Variants in SFSWAP observed in about 807,000 individuals in gnomAD.
SFSWAP encodes splicing factor SWAP.
A neutral mutation model predicts 100.7 loss-of-function variants in SFSWAP; 17 were observed. That is an observed-to-expected ratio of 0.17 (90% CI 0.12 to 0.25). SFSWAP has a LOEUF of 0.25. SFSWAP is among the 10% of genes least tolerant of loss of function. The pLI, the probability that SFSWAP is intolerant of heterozygous loss-of-function variation, is 1.00. For synonymous variants in SFSWAP, 504 were observed against 510.1 expected, an observed-to-expected ratio of 0.99 and a Z score of 0.16; for missense variants, 1,005 against 1,262.6, an observed-to-expected ratio of 0.80 and a Z score of 3.09.
chr12:131,770,063 T>G (rs2136243966), intron 13 of SFSWAP, among the ~76,000 whole-genome samples: 1 of 152,382 alleles, frequency 6.6e-6, no homozygotes, highest in East Asian at 1.9e-4. Flanking sequence ...TTTAATTGCT[T>G]CTGAAACAAA....
chr12:131,771,221 A>G (rs1883568544), intron 13 of SFSWAP, among the ~76,000 whole-genome samples: 1 of 152,182 alleles, frequency 6.6e-6, no homozygotes, highest in African/African-American at 2.4e-5. Context: ...TCTGTTATCA[A>G]TGCTTACAGT....
chr12:131,735,802 T>C (rs10902440), intron 7 of SFSWAP, among the ~76,000 whole-genome samples: 25,035 of 152,292 alleles, frequency 0.16, 2,368 homozygotes, highest in South Asian at 0.28. Context: ...CTGGAGTTGC[T>C]CTATGGCTTT....
rs376432322 is a variant in SFSWAP at position 131,714,994 on chromosome 12, C to A, written c.520+41C>A. On this transcript the variant is annotated intron_variant, in intron 3 of 17. Transcript: ENST00000261674. The surrounding 1 kb of genome is among the most constrained non-coding windows in gnomAD (Gnocchi z 6.0). ...CCTGGACTGCTGGTGTAGGGCTACA[C>A]GTGTACGCACAGGCTGCATGCACCG... is the stretch of plus-strand genomic sequence containing the variant. 11 of 1,608,316 alleles carry A rather than the reference C, an allele frequency of 6.8e-6. No homozygotes were observed. Among genetic ancestry groups the A allele is most frequent in the Admixed American group, 3.3e-5 (2 of 59,906 alleles).
chr12:131,739,219 T>C (rs1487997712), intron 7 of SFSWAP, among the ~76,000 whole-genome samples: 2 of 152,144 alleles, frequency 1.3e-5, no homozygotes, highest in Admixed American at 6.5e-5. Flanking sequence ...TATAATTCTA[T>C]ATGCAAGATA....
chr12:131,755,228 C>A (rs1232658771), intron 9 of SFSWAP, among the ~76,000 whole-genome samples, 158 bp from the exon 10 acceptor site: 1 of 152,158 alleles, frequency 6.6e-6, no homozygotes, highest in Non-Finnish European at 1.5e-5. Flanking sequence ...ATTTCGACCC[C>A]CTGTGTGCAG....
At chr12:131,785,088 A>G in intron 14 of SFSWAP, 1 of 1,535,442 alleles carries the variant, frequency 6.5e-7, no homozygotes, top group Non-Finnish European at 8.7e-7. Context: ...CAGCCTCCCC[A>G]GGGACGCTGC....
intron 13 of SFSWAP, among the ~76,000 whole-genome samples, chr12:131,768,987 C>T (rs936726336): frequency 6.6e-6 from 1 of 152,002 alleles, no homozygotes; most frequent in Admixed American, 6.6e-5. Flanking sequence ...ATTAGCCGAG[C>T]GTGGTGGAGC....
At chr12:131,737,072 G>A (rs1880099758) in intron 7 of SFSWAP, among the ~76,000 whole-genome samples, 1 of 152,172 alleles carries the variant, frequency 6.6e-6, no homozygotes, top group Non-Finnish European at 1.5e-5. Flanking sequence ...AAAGACTGAG[G>A]CGACGCACAT....
intron 12 of SFSWAP, 59 bp from the exon 13 acceptor site, chr12:131,766,059 A>C (rs1883092043): frequency 7.3e-6 from 11 of 1,514,886 alleles, no homozygotes; most frequent in Non-Finnish European, 9.8e-6. Context: ...GTGAAAATTA[A>C]GATCAGATAA....
At chr12:131,750,563 A>C (rs1267547872) in intron 7 of SFSWAP, among the ~76,000 whole-genome samples, 2 of 152,174 alleles carry the variant, frequency 1.3e-5, no homozygotes, top group Non-Finnish European at 2.9e-5. Flanking sequence ...GTGTGCCCAG[A>C]GCATTGTCAG....
intron 14 of SFSWAP, among the ~76,000 whole-genome samples, chr12:131,786,103 G>A (rs1026799159): frequency 1.3e-5 from 2 of 152,174 alleles, no homozygotes; most frequent in African/African-American, 4.8e-5. Context: ...CCAGCCTGAG[G>A]TGGTCATGAA....
chr12:131,752,133 CT>C, intron 7 of SFSWAP, among the ~76,000 whole-genome samples: 1 of 152,326 alleles, frequency 6.6e-6, no homozygotes, highest in Admixed American at 6.5e-5. Flanking sequence ...AAATTTTTCT[CT>C]GCATAGCATA....
chr12:131,774,933 A>G (rs1401387368), intron 13 of SFSWAP, among the ~76,000 whole-genome samples: 1 of 152,156 alleles, frequency 6.6e-6, no homozygotes, highest in African/African-American at 2.4e-5. Context: ...CAAAAAAAAA[A>G]GTTTGGAGGC....
At chr12:131,789,616 GCT>G (rs953793526) in intron 15 of SFSWAP, among the ~76,000 whole-genome samples, 1 of 152,050 alleles carries the variant, frequency 6.6e-6, no homozygotes, top group Admixed American at 6.5e-5. Flanking sequence ...TTGCCACATT[GCT>G]CTCTCTCACC....
intron 7 of SFSWAP, among the ~76,000 whole-genome samples, chr12:131,729,084 C>T (rs1416555331): frequency 6.6e-6 from 1 of 152,180 alleles, no homozygotes. Flanking sequence ...ACATGGTCTC[C>T]CCACTCAGCA....
At chr12:131,741,944 C>G (rs1880684775) in intron 7 of SFSWAP, among the ~76,000 whole-genome samples, 1 of 152,108 alleles carries the variant, frequency 6.6e-6, no homozygotes, top group Non-Finnish European at 1.5e-5. Context: ...TCCTTCTTCC[C>G]TGGTGTGCAA....
In SFSWAP at chr12:131,753,294, C is replaced by T. The variant is rs1397908506; in HGVS notation, c.1253C>T (p.Thr418Ile). The change falls in exon 8 of 18, where the codon ACC becomes ATC. Residue 418 changes from threonine to isoleucine, a missense_variant. Physicochemically the swap from Thr to Ile is moderately conservative, Grantham distance 89 (BLOSUM62 -1). This residue lies in a region of SFSWAP where 311 missense variants were observed against 317.8 expected (regional missense o/e 0.98). Transcript: ENST00000261674. The part of the protein sequence containing the change: ...VTTTAPPPPG[T>I]TPLPPPTTAE... ...ACCACCGCCCCACCACCTCCTGGGA[C>T]CACACCACTACCGCCCCCAACCACA... is the stretch of plus-strand genomic sequence containing the variant. 19 of 1,612,096 alleles carry T rather than the reference C, an allele frequency of 1.2e-5. No homozygotes were observed. The highest frequency in any genetic ancestry group is 1.6e-5 in the Non-Finnish European group (19 of 1,178,236).
chr12:131,748,275 C>G (rs1881319775), intron 7 of SFSWAP, among the ~76,000 whole-genome samples: 1 of 151,152 alleles, frequency 6.6e-6, no homozygotes, highest in African/African-American at 2.4e-5. Flanking sequence ...CAGCCTCCAC[C>G]TCCCGGGTTC....
At chr12:131,715,556 C>T (rs1322494958) in intron 3 of SFSWAP, among the ~76,000 whole-genome samples, 2 of 152,316 alleles carry the variant, frequency 1.3e-5, no homozygotes, top group East Asian at 1.9e-4. Flanking sequence ...AACCTGGGCT[C>T]GTGTAGTATA....
Sources: gnomAD v4.1 joint callset for allele counts (sites outside exome capture counted in the v4.1 genomes callset) on GRCh38, gnomAD v4.1.1 for gene constraint, gnomAD v4.1.1 regional missense constraint, Gnocchi (gnomAD v3.1) non-coding constraint, MANE v1.5 for transcripts, NCBI Gene and HGNC (gene_info 2026-07-23, HGNC 2026-07-21) for gene names.